The following ZNF789 variants were observed in gnomAD, a reference collection of about 807,000 sequenced individuals.
ZNF789 encodes the protein zinc finger protein 789.
A neutral mutation model predicts 15.6 loss-of-function variants in ZNF789; 11 were observed. The ratio of observed to expected loss-of-function variants is 0.70; its 90% CI spans 0.44 to 1.16. The LOEUF (loss-of-function observed/expected upper bound fraction) is 1.16, where lower values mean the gene tolerates loss of function less well. ZNF789 is among the 50% of genes most tolerant of loss of function. ZNF789 has a pLI of 0.00. For synonymous variants in ZNF789, 159 were observed against 176.0 expected (o/e 0.90, Z 0.76); for missense variants, 461 against 512.6 (o/e 0.90, Z 0.97).
At chr7:99,485,992 T>C (rs1799920510) in intron 4 of ZNF789, among the ~76,000 whole-genome samples, 2 of 152,264 alleles carry the variant, frequency 1.3e-5, no homozygotes, top group Admixed American at 1.3e-4. Flanking sequence ...CCGAGAGCTG[T>C]TTTTGTTATG....
At chr7:99,483,712 A>C in intron 3 of ZNF789, 1 of 781,054 alleles carries the variant, frequency 1.3e-6, no homozygotes, top group Non-Finnish European at 2.4e-6. Context: ...GCTACGCTTG[A>C]TTTAATTGTT....
chr7:99,477,833 A>G (rs1191323994), intron 2 of ZNF789, among the ~76,000 whole-genome samples: 2 of 152,218 alleles, frequency 1.3e-5, no homozygotes, highest in Non-Finnish European at 2.9e-5. Flanking sequence ...CTATAATCCC[A>G]TCTACTTGGG....
chr7:99,485,765 G>T (rs1799905536), intron 4 of ZNF789, among the ~76,000 whole-genome samples: 1 of 152,198 alleles, frequency 6.6e-6, no homozygotes, highest in Admixed American at 6.5e-5. Context: ...CCAGGAAGTG[G>T]AGGTTGCAAT....
chr7:99,478,548 C>G (rs1407405501), intron 2 of ZNF789: 1 of 408,652 alleles, frequency 2.4e-6, no homozygotes, highest in Non-Finnish European at 4.9e-6. Flanking sequence ...TTTGCCCTTT[C>G]CCTGCACACA....
chr7:99,473,456 T>C (rs1389283331), intron 1 of ZNF789, among the ~76,000 whole-genome samples: 1 of 152,194 alleles, frequency 6.6e-6, no homozygotes, highest in African/African-American at 2.4e-5. Context: ...AATGAGGAAG[T>C]GCAGTGATCT....
chr7:99,477,801 AG>A (rs1465029541), intron 2 of ZNF789, among the ~76,000 whole-genome samples: 2 of 150,616 alleles, frequency 1.3e-5, no homozygotes, highest in East Asian at 3.9e-4. Context: ...TACAAAAATT[AG>A]CTGGGTATAG....
chr7:99,487,044 TCA>T lies in ZNF789; in HGVS notation c.838_839del (p.Thr280GlnfsTer6). 6.2e-7 allele frequency: 1 copy of T among 1,614,054 alleles called. No homozygotes were observed. Among genetic ancestry groups the T allele is most frequent in the Non-Finnish European group, 8.5e-7 (1 of 1,180,028 alleles). On this transcript the variant is annotated frameshift_variant, in exon 5 of 5. Transcript: ENST00000331410. LOFTEE classifies it low-confidence loss of function (END_TRUNC). The stretch of plus-strand genomic sequence containing the variant: ...CGTATCTTGTTGAACATAAGAGGAT[TCA>T]CACCAAAGAAAAACCTTATAAATGT... Reference protein sequence around the residue: ...LAYLVEHKRIHTKEKPYKCSK... With the variant: ...LAYLVEHKRIXTKEKPYKCSK...
At chr7:99,477,173 G>C (rs1008777600) in intron 2 of ZNF789, among the ~76,000 whole-genome samples, 1 of 151,944 alleles carries the variant, frequency 6.6e-6, no homozygotes, top group African/African-American at 2.4e-5. Context: ...CTCCCAAGTA[G>C]CTGGGACTAC....
intron 2 of ZNF789, chr7:99,478,141 C>G (rs1264609049): frequency 4.4e-6 from 2 of 458,410 alleles, no homozygotes; most frequent in African/African-American, 2.1e-5. Flanking sequence ...ATTCAAGGAC[C>G]TGCTGCTGTA....
chr7:99,483,692 G>T (rs768036484), intron 3 of ZNF789: 1 of 780,744 alleles, frequency 1.3e-6, no homozygotes, highest in Non-Finnish European at 2.4e-6. Context: ...TGCCTTCATC[G>T]CATTAATGTG....
chr7:99,479,613 G>A (rs73148819), intron 2 of ZNF789, 48 bp from the exon 3 acceptor site: 26 of 1,546,488 alleles, frequency 1.7e-5, no homozygotes, highest in Admixed American at 1.4e-4. Flanking sequence ...ATCATTGAGC[G>A]TAAGTTATTT....
chr7:99,483,865 G>T (rs773759139), intron 3 of ZNF789, 165 bp from the exon 4 acceptor site: 2 of 787,546 alleles, frequency 2.5e-6, no homozygotes, highest in Admixed American at 1.7e-5. Flanking sequence ...TATGAACATT[G>T]TTCAGGCTTT....
At chr7:99,475,683 G>A (rs890305759) in intron 1 of ZNF789, among the ~76,000 whole-genome samples, 4 of 152,092 alleles carry the variant, frequency 2.6e-5, no homozygotes. Flanking sequence ...GGAGTGGGGA[G>A]CAAAATTTTG....
rs1310123556 is a variant in ZNF789 at position 99,479,806 on chromosome 7, A to G, written c.151+19A>G. On this transcript the variant is annotated intron_variant, in intron 3 of 4. Transcript: ENST00000331410. ...TTGCTGGGTAGGACACGGCTTGAAG[A>G]TTGGGCTTTGTCTGTGTTCTGAGTG... 11 of 1,609,644 alleles carry G rather than the reference A, an allele frequency of 6.8e-6. No homozygotes were observed. Among genetic ancestry groups the G allele is most frequent in the Non-Finnish European group, 9.3e-6 (11 of 1,177,708 alleles).
rs957799069 is a variant in ZNF789 at position 99,479,728 on chromosome 7, G to C, written c.92G>C (p.Gly31Ala). The C allele has an allele frequency of 6.2e-7, 1 of 1,614,112 alleles. No homozygotes were observed. The highest frequency in any genetic ancestry group is 8.5e-7 in the Non-Finnish European group (1 of 1,179,996). ...GAGGAGTGGGGCCACCTCAACTGGG[G>C]TCAGAAGGACCTCTACCGAGATGTG... ...TREEWGHLNW[G>A]QKDLYRDVML... The change falls in exon 3 of 5, where the codon GGT (glycine) becomes GCT (alanine). Residue 31 changes from glycine to alanine, a missense_variant. Physicochemically the swap from Gly to Ala is moderately conservative, Grantham distance 60. Coordinates refer to ENST00000331410, the MANE Select transcript of ZNF789 (RefSeq NM_213603.3).
chr7:99,483,567 G>GTTGCAT (rs1442723551), intron 3 of ZNF789: 2 of 619,300 alleles, frequency 3.2e-6, no homozygotes, highest in African/African-American at 3.6e-5. Context: ...GGAGGCAGAG[G>GTTGCAT]TTGCAGTGCG....
chr7:99,487,114 C>G lies in ZNF789; in HGVS notation c.904C>G (p.Arg302Gly), dbSNP rs764652127. 6.2e-7 allele frequency: 1 copy of G among 1,614,122 alleles called. No individual in the cohort carries two copies. The highest frequency in any genetic ancestry group is 8.5e-7 in the Non-Finnish European group (1 of 1,180,036). The stretch of plus-strand genomic sequence containing the variant: ...GTTTAGTCAGAATTCAACCCTTATT[C>G]GACATCAGGTGATCCATAGTGGAGA... ...KTFSQNSTLI[R>G]HQVIHSGEKR... The change falls in exon 5 of 5, where the codon CGA becomes GGA. Residue 302 changes from arginine (R) to glycine (G), a missense_variant. Coordinates refer to ENST00000331410, the MANE Select transcript of ZNF789 (RefSeq NM_213603.3).
At position 99,484,115 on chromosome 7, in the gene ZNF789, T is replaced by C; in HGVS notation, c.237T>C (p.Asn79=). The part of the protein sequence containing the change: ...QWILDLPRTG[N]RKASGSACPG... ...TCCTGGATCTACCGAGAACTGGGAA[T>C]AGGAAGGCTTCCGGTAGTGCTTGCC... The change falls in exon 4 of 5, where the codon AAT becomes AAC. Residue 79 remains asparagine, a synonymous_variant. Transcript: ENST00000331410. The C allele has an allele frequency of 6.2e-7, 1 of 1,613,350 alleles. No homozygotes were observed. The highest frequency in any genetic ancestry group is 1.1e-5 in the South Asian group (1 of 91,006).
At chr7:99,478,229 G>C (rs1351090287) in intron 2 of ZNF789, 17 of 1,253,276 alleles carry the variant, frequency 1.4e-5, no homozygotes, top group Admixed American at 2.3e-5. Context: ...CAATGACTCT[G>C]GGAGATGAAG....
Sources: gnomAD v4.1 joint callset for allele counts (sites outside exome capture counted in the v4.1 genomes callset) on GRCh38, gnomAD v4.1.1 for gene constraint, MANE v1.5 for transcripts, NCBI Gene and HGNC (gene_info 2026-07-23, HGNC 2026-07-21) for gene names.